ATP8A2: variants seen among roughly 807,000 people sequenced by gnomAD.
ATP8A2 encodes the protein ATPase phospholipid transporting 8A2, also known as phospholipid-transporting ATPase IB.
In ATP8A2, 100 loss-of-function variants were observed where a neutral mutation model predicts 165.6. That is an observed-to-expected ratio of 0.60 (90% CI 0.51 to 0.71). The LOEUF (loss-of-function observed/expected upper bound fraction) is 0.71. Ranked by LOEUF, ATP8A2 falls within the 30% of genes least tolerant of loss-of-function variation. The probability of loss-of-function intolerance (pLI) is 0.00; values close to 1 mark genes in which losing one functional copy is unlikely to be tolerated. For missense variants in ATP8A2, 1,227 were observed against 1,479.5 expected, an observed-to-expected ratio of 0.83 and a Z score of 2.80; for synonymous variants, 543 against 548.8, an observed-to-expected ratio of 0.99 and a Z score of 0.15.
intron 1 of ATP8A2, among the ~76,000 whole-genome samples, chr13:25,429,314 G>A (rs1476142672): frequency 1.3e-5 from 2 of 148,536 alleles, no homozygotes; most frequent in Non-Finnish European, 3.0e-5. Flanking sequence ...AGGTTGCAGT[G>A]TGCCAAGATG....
chr13:25,638,085 T>G (rs2041418351), intron 24 of ATP8A2, among the ~76,000 whole-genome samples: 1 of 152,068 alleles, frequency 6.6e-6, no homozygotes, highest in African/African-American at 2.4e-5. Context: ...AGAAAGGACA[T>G]CCACACCAAA....
At chr13:25,602,714 G>A (rs2040418972) in intron 24 of ATP8A2, among the ~76,000 whole-genome samples, 1 of 152,158 alleles carries the variant, frequency 6.6e-6, no homozygotes, top group African/African-American at 2.4e-5. Flanking sequence ...ATTGTTAGGA[G>A]ATTCTGAGTG....
At chr13:25,557,567 A>C (rs1467140378) in intron 13 of ATP8A2, among the ~76,000 whole-genome samples, 1 of 152,176 alleles carries the variant, frequency 6.6e-6, no homozygotes, top group East Asian at 1.9e-4. Flanking sequence ...TAAATACAGT[A>C]AAATAAGGGG....
intron 27 of ATP8A2, among the ~76,000 whole-genome samples, chr13:25,799,539 G>T (rs1274965043): frequency 6.6e-6 from 1 of 152,198 alleles, no homozygotes; most frequent in African/African-American, 2.4e-5. Flanking sequence ...AGATGATTAT[G>T]TGGGATCTGA....
At chr13:25,480,451 G>A (rs2036146037) in intron 2 of ATP8A2, among the ~76,000 whole-genome samples, 1 of 150,092 alleles carries the variant, frequency 6.7e-6, no homozygotes, top group Non-Finnish European at 1.5e-5. Context: ...GGGCGGCTGG[G>A]CAGAGACGCT....
chr13:25,914,481 A>G (rs1261968142), intron 33 of ATP8A2, among the ~76,000 whole-genome samples: 1 of 152,156 alleles, frequency 6.6e-6, no homozygotes, highest in Non-Finnish European at 1.5e-5. Flanking sequence ...ATCCATCTCA[A>G]TGCTCAGAAG....
At chr13:25,600,780 C>CT (rs1253625678) in intron 24 of ATP8A2, among the ~76,000 whole-genome samples, 2 of 152,148 alleles carry the variant, frequency 1.3e-5, no homozygotes, top group Non-Finnish European at 2.9e-5. Flanking sequence ...AGAAAGGAGT[C>CT]TAAGAAATAT....
rs146005734 is a variant in ATP8A2 at position 25,388,228 on chromosome 13, A to C, written c.76+15940A>C. Among the ~76,000 whole-genome samples, 323 of 152,212 alleles carry C rather than the reference A, an allele frequency of 2.1e-3. 9 individuals are homozygous for C. The highest frequency in any genetic ancestry group is 0.018 in the Admixed American group (275 of 15,280). The stretch of plus-strand genomic sequence containing the variant: ...GAAAGAAGGAAGGAAGGGATAAAGG[A>C]AGTGAAAAGAAGAAAGCTGGCTCCT... On this transcript the variant is annotated intron_variant, in intron 1 of 36. Coordinates refer to ENST00000381655, the MANE Select transcript of ATP8A2 (RefSeq NM_016529.6).
At chr13:25,614,511 A>AT (rs921297525) in intron 24 of ATP8A2, among the ~76,000 whole-genome samples, 33 of 151,636 alleles carry the variant, frequency 2.2e-4, no homozygotes, top group Non-Finnish European at 3.4e-4. Flanking sequence ...AGGTTGAGAG[A>AT]TTTTTTTCTT....
chr13:25,825,608 A>G (rs1008355958), intron 27 of ATP8A2, among the ~76,000 whole-genome samples: 1 of 152,152 alleles, frequency 6.6e-6, no homozygotes, highest in Non-Finnish European at 1.5e-5. Flanking sequence ...CAGTCTTGGG[A>G]AAATTAACTT....
intron 27 of ATP8A2, among the ~76,000 whole-genome samples, chr13:25,793,252 C>CG (rs1448430686): frequency 1.3e-5 from 2 of 152,172 alleles, no homozygotes; most frequent in African/African-American, 2.4e-5. Flanking sequence ...AGTACAAAGA[C>CG]TTTTTCACAT....
intron 13 of ATP8A2, among the ~76,000 whole-genome samples, chr13:25,557,360 T>TC: frequency 6.6e-6 from 1 of 152,274 alleles, no homozygotes; most frequent in African/African-American, 2.4e-5. Context: ...CATTTTTTTT[T>TC]CTTTTTTTTG....
chr13:25,530,715 T>G (rs1384835303), intron 4 of ATP8A2, 55 bp downstream of exon 4: 1 of 1,090,734 alleles, frequency 9.2e-7, no homozygotes, highest in Non-Finnish European at 1.4e-6. Context: ...TAATAACTTA[T>G]GTGTTGCCTC....
rs575430180 is a variant in ATP8A2, at chr13:25,831,308, G to A, written c.2754+3116G>A. The stretch of plus-strand genomic sequence containing the variant: ...CAGCTCACTGCAAGTTCCACCTCCC[G>A]GGTTCACGCCATTCTCCTGCCTCAG... On this transcript the variant is annotated intron_variant, in intron 28 of 36. Transcript: ENST00000381655. 3.5e-4 allele frequency among the ~76,000 whole-genome samples: 52 copies of A among 147,956 alleles called. No individual in the cohort carries two copies. The Middle Eastern group carries it at 0.011, about 30-fold the overall frequency.
At chr13:25,905,140 C>T (rs1309833037) in intron 33 of ATP8A2, among the ~76,000 whole-genome samples, 1 of 151,984 alleles carries the variant, frequency 6.6e-6, no homozygotes, top group Non-Finnish European at 1.5e-5. Flanking sequence ...TGTATCTTCT[C>T]TCTACCCAGA....
intron 33 of ATP8A2, among the ~76,000 whole-genome samples, chr13:25,894,987 G>C (rs373740291): frequency 2.0e-5 from 3 of 152,096 alleles, no homozygotes; most frequent in South Asian, 2.1e-4. Context: ...CAAACAGGGA[G>C]AATTTGACTT....
intron 27 of ATP8A2, among the ~76,000 whole-genome samples, chr13:25,811,338 A>G (rs1229225112): frequency 6.6e-6 from 1 of 152,220 alleles, no homozygotes; most frequent in East Asian, 1.9e-4. Flanking sequence ...TCAATGATTT[A>G]TATAATGTCT....
intron 33 of ATP8A2, among the ~76,000 whole-genome samples, chr13:25,880,633 T>A (rs1018345558): frequency 1.3e-5 from 2 of 152,162 alleles, no homozygotes; most frequent in African/African-American, 4.8e-5. Context: ...TGGAAGAACC[T>A]TTACAATAAG....
intron 33 of ATP8A2, among the ~76,000 whole-genome samples, chr13:25,933,775 C>T (rs2139079645): frequency 6.6e-6 from 1 of 152,320 alleles, no homozygotes; most frequent in African/African-American, 2.4e-5. Context: ...ACTGGCTTAC[C>T]CAGAGTACAT....
Sources: gnomAD v4.1 joint callset for allele counts (sites outside exome capture counted in the v4.1 genomes callset) on GRCh38, gnomAD v4.1.1 for gene constraint, MANE v1.5 for transcripts, NCBI Gene and HGNC (gene_info 2026-07-23, HGNC 2026-07-21) for gene names.